Variants in TBXAS1 observed in about 807,000 individuals in gnomAD.
TBXAS1 encodes the protein thromboxane-A synthase.
Under a neutral mutation model 60.7 loss-of-function variants are expected in TBXAS1, and 48 were observed. The observed-to-expected ratio is 0.79, with a 90% CI of 0.63 to 1.01. The LOEUF is 1.01. TBXAS1 is among the 50% of genes least tolerant of loss of function. The pLI is 0.00. For missense variants in TBXAS1, 685 were observed against 686.3 expected, an observed-to-expected ratio of 1.00 and a Z score of 0.02; for synonymous variants, 287 against 269.7, an observed-to-expected ratio of 1.06 and a Z score of -0.63.
upstream of TBXAS1, among the ~76,000 whole-genome samples, chr7:139,826,238 G>A (rs969665673): frequency 3.3e-5 from 5 of 152,126 alleles, no homozygotes; most frequent in Admixed American, 1.3e-4. Context: ...GAGAGAATGG[G>A]TTAGCCTCTC....
chr7:139,867,939 T>C (rs1453699751), intron 1 of TBXAS1, among the ~76,000 whole-genome samples: 1 of 152,192 alleles, frequency 6.6e-6, no homozygotes, highest in East Asian at 1.9e-4. Context: ...AATGATCCAG[T>C]GGCCCGATTT....
rs1807778301 is a variant in TBXAS1, at chr7:139,936,282, C to T, written c.425C>T (p.Ala142Val). Residue 142 changes from alanine to valine, a missense_variant, in exon 5 of 13, where the codon GCT (alanine) becomes GTT (valine). Transcript: ENST00000448866. The part of the protein sequence containing the change: ...WEEVRGALMS[A>V]FSPEKLNEMV... Reference sequence around the variant, plus strand: ...GAGGTCAGAGGTGCCCTGATGTCTGCTTTCAGTCCTGAAAAGCTGAACGAG... The same window carrying T: ...GAGGTCAGAGGTGCCCTGATGTCTGTTTTCAGTCCTGAAAAGCTGAACGAG... The T allele has an allele frequency of 1.9e-6, 3 of 1,614,100 alleles. No individual in the cohort carries two copies. The highest frequency in any genetic ancestry group is 2.2e-5 in the South Asian group (2 of 91,096).
intron 5 of TBXAS1, among the ~76,000 whole-genome samples, chr7:139,941,458 A>G (rs1355487561): frequency 6.6e-6 from 1 of 151,610 alleles, no homozygotes; most frequent in Non-Finnish European, 1.5e-5. Flanking sequence ...CCTATGTCAT[A>G]CCAGGGATAA....
intron 2 of TBXAS1, chr7:139,782,636 T>C (rs559883737): frequency 3.9e-5 from 6 of 152,400 alleles, no homozygotes; most frequent in African/African-American, 1.4e-4. Context: ...TATTCTCACT[T>C]GGTGTGTGTT....
At position 139,852,306 on chromosome 7, in the gene TBXAS1, A is replaced by C. The variant is rs776304477; in HGVS notation, c.90-19929A>C. Among the ~76,000 whole-genome samples the C allele has an allele frequency of 7.2e-5, 11 of 152,226 alleles. No individual in the cohort carries two copies. The highest frequency in any genetic ancestry group is 1.5e-4 in the Non-Finnish European group (10 of 68,048). On this transcript the variant is annotated intron_variant, in intron 1 of 12. Coordinates refer to ENST00000448866, the MANE Select transcript of TBXAS1 (RefSeq NM_001061.7). This position sits in a 1 kb window ranked among gnomAD's most constrained non-coding sequence, Gnocchi z 4.4. The stretch of plus-strand genomic sequence containing the variant: ...GAGGACTCTAATAATGGAAGGGATT[A>C]TAAGTTGCAGGGAGCAGGCAAGAGG...
chr7:140,020,131 C>G lies in TBXAS1; in HGVS notation c.*32C>G, dbSNP rs1304307259. The G allele has an allele frequency of 6.2e-7, 1 of 1,607,160 alleles. No individual in the cohort carries two copies. The highest frequency in any genetic ancestry group is 1.1e-5 in the South Asian group (1 of 90,918). On this transcript the variant is annotated 3_prime_UTR_variant, in exon 13 of 13. Transcript: ENST00000448866. ...AGGCTGCCGGGTGGGGGGAGGGCAC[C>G]CCCAAATTCAAAGAAAACCCTAAGT...
At chr7:139,990,011 C>T (rs371949909) in intron 9 of TBXAS1, among the ~76,000 whole-genome samples, 22 of 152,202 alleles carry the variant, frequency 1.4e-4, no homozygotes, top group Non-Finnish European at 2.2e-4. Flanking sequence ...GCCTGCCCGC[C>T]GGCCTTAAGC....
chr7:139,978,566 T>C (rs186852068), intron 9 of TBXAS1, among the ~76,000 whole-genome samples: 1 of 151,956 alleles, frequency 6.6e-6, no homozygotes, highest in Admixed American at 6.6e-5. Context: ...TATCAGTCAT[T>C]GAACACGCGC....
chr7:139,841,370 C>G (rs1009934415), intron 1 of TBXAS1, among the ~76,000 whole-genome samples: 1 of 152,108 alleles, frequency 6.6e-6, no homozygotes, highest in Admixed American at 6.5e-5. Flanking sequence ...GTAACATTTG[C>G]TGGAACAAAA....
chr7:139,792,165 G>T (rs1318367361), intron 4 of TBXAS1, among the ~76,000 whole-genome samples: 1 of 152,118 alleles, frequency 6.6e-6, no homozygotes, highest in Non-Finnish European at 1.5e-5. Flanking sequence ...GTCCTAAAAG[G>T]ATATACTTCT....
Position 139,916,807 on chromosome 7 carries a change from T to G in TBXAS1, c.333+5486T>G, listed in dbSNP as rs1393127985. 6.6e-6 allele frequency among the ~76,000 whole-genome samples: 1 copy of G among 152,164 alleles called. No homozygotes were observed. The highest frequency in any genetic ancestry group is 1.5e-5 in the Non-Finnish European group (1 of 68,022). ...AGCTCAATTCAGGGCTACAGGTGAG[T>G]CAGACGCCCTTGTGCGGGGGCCACA... On this transcript the variant is annotated intron_variant, in intron 4 of 12. Transcript: ENST00000448866. This position sits in a 1 kb window ranked among gnomAD's most constrained non-coding sequence, Gnocchi z 4.2.
chr7:139,989,055 G>A (rs1812709237), intron 9 of TBXAS1, among the ~76,000 whole-genome samples: 1 of 152,216 alleles, frequency 6.6e-6, no homozygotes, highest in South Asian at 2.1e-4. Flanking sequence ...TGCAGGGTTA[G>A]CAAACCTTTA....
chr7:139,871,704 C>T (rs1056163786), intron 1 of TBXAS1, among the ~76,000 whole-genome samples: 2 of 152,142 alleles, frequency 1.3e-5, no homozygotes, highest in Non-Finnish European at 2.9e-5. Flanking sequence ...CTCCTCATGG[C>T]GCCTTCCCTC....
chr7:139,970,470 A>G (rs957055584), intron 9 of TBXAS1, among the ~76,000 whole-genome samples: 23 of 152,224 alleles, frequency 1.5e-4, no homozygotes, highest in African/African-American at 5.3e-4. Flanking sequence ...GGCCCACACT[A>G]TGTACAAGGA....
At chr7:139,963,672 G>A (rs1278642678) in intron 9 of TBXAS1, among the ~76,000 whole-genome samples, 3 of 152,186 alleles carry the variant, frequency 2.0e-5, no homozygotes, top group East Asian at 1.9e-4. Context: ...AGCTGGAAGC[G>A]AGGCAATCTA....
intron 4 of TBXAS1, chr7:139,913,218 C>T (rs1247957114): frequency 4.3e-6 from 3 of 691,976 alleles, no homozygotes; most frequent in Non-Finnish European, 8.0e-6. Context: ...GATTCTCTTT[C>T]CCAAACACTG....
At chr7:139,935,361 G>A (rs1320287064) in intron 4 of TBXAS1, among the ~76,000 whole-genome samples, 1 of 152,196 alleles carries the variant, frequency 6.6e-6, no homozygotes, top group Non-Finnish European at 1.5e-5. Context: ...ATTCAATGTA[G>A]TTCTCTGGAC....
chr7:139,971,962 C>G (rs1306299281), intron 9 of TBXAS1, among the ~76,000 whole-genome samples: 1 of 152,166 alleles, frequency 6.6e-6, no homozygotes, highest in Non-Finnish European at 1.5e-5. Flanking sequence ...CTGGGAGCCC[C>G]TGGTCATCCC....
At chr7:139,833,074 A>G (rs531240687) in intron 1 of TBXAS1, among the ~76,000 whole-genome samples, 21 of 152,158 alleles carry the variant, frequency 1.4e-4, no homozygotes, top group African/African-American at 5.1e-4. Context: ...GCAAAAAACA[A>G]CAACAACAAA....
Sources: allele counts gnomAD v4.1 joint callset (sites outside exome capture counted in the v4.1 genomes callset), GRCh38; gene constraint gnomAD v4.1.1; non-coding constraint Gnocchi (gnomAD v3.1); transcripts MANE v1.5; gene names NCBI Gene and HGNC (gene_info 2026-07-23, HGNC 2026-07-21).